TMEFF1: variants seen among roughly 807,000 people sequenced by gnomAD.
TMEFF1 encodes the protein tomoregulin-1.
In TMEFF1, 20 loss-of-function variants were observed where a neutral mutation model predicts 47.5. The ratio of observed to expected loss-of-function variants is 0.42; its 90% CI spans 0.30 to 0.61. TMEFF1 has a LOEUF of 0.61. Ranked by LOEUF, TMEFF1 falls within the 20% of genes least tolerant of loss-of-function variation. The pLI is 0.19. For synonymous variants in TMEFF1, 162 were observed against 166.3 expected, an observed-to-expected ratio of 0.97 and a Z score of 0.20; for missense variants, 411 against 471.1, an observed-to-expected ratio of 0.87 and a Z score of 1.18.
At chr9:100,545,128 C>G (rs541628254) in intron 5 of TMEFF1, among the ~76,000 whole-genome samples, 106 of 152,308 alleles carry the variant, frequency 7.0e-4, no homozygotes, top group African/African-American at 2.5e-3. Context: ...GGAGGTGGCC[C>G]TCTCCTCACA....
At chr9:100,557,434 A>G (rs1363289890) in intron 7 of TMEFF1, among the ~76,000 whole-genome samples, 1 of 151,998 alleles carries the variant, frequency 6.6e-6, no homozygotes, top group Non-Finnish European at 1.5e-5. Flanking sequence ...CTAGAATTCA[A>G]ATTTTTCCAT....
At chr9:100,522,955 G>A (rs986251583) in intron 5 of TMEFF1, among the ~76,000 whole-genome samples, 1 of 152,122 alleles carries the variant, frequency 6.6e-6, no homozygotes, top group African/African-American at 2.4e-5. Flanking sequence ...AACCAGGATG[G>A]TCTTGATCTC....
At chr9:100,497,363 A>C (rs1476284640) in intron 1 of TMEFF1, among the ~76,000 whole-genome samples, 1 of 92,894 alleles carries the variant, frequency 1.1e-5, no homozygotes, top group Non-Finnish European at 1.9e-5. Context: ...CTTGAGCTTT[A>C]ATCCAGTTCT....
intron 4 of TMEFF1, 77 bp downstream of exon 4, chr9:100,513,410 T>TTTA: frequency 4.7e-5 from 57 of 1,224,400 alleles, no homozygotes; most frequent in South Asian, 8.4e-5. Flanking sequence ...TTTTTTTTTT[T>TTTA]AAATCAGCTT....
chr9:100,534,692 G>T (rs939284916), intron 5 of TMEFF1, among the ~76,000 whole-genome samples: 3 of 152,122 alleles, frequency 2.0e-5, no homozygotes, highest in African/African-American at 7.2e-5. Flanking sequence ...ACTGTTGTTA[G>T]TCTTAGATGC....
At chr9:100,475,614 G>T (rs773970326) in intron 1 of TMEFF1, among the ~76,000 whole-genome samples, 1 of 152,056 alleles carries the variant, frequency 6.6e-6, no homozygotes, top group Admixed American at 6.6e-5. Flanking sequence ...GGATGTTTTT[G>T]TGTGTACTTT....
chr9:100,533,750 C>T (rs148406238), intron 5 of TMEFF1, among the ~76,000 whole-genome samples: 3,360 of 151,942 alleles, frequency 0.022, 101 homozygotes, highest in African/African-American at 0.076. Context: ...GACAGAGTCT[C>T]GCTCAGTCGC....
intron 8 of TMEFF1, 27 bp from the exon 9 acceptor site, chr9:100,572,491 A>G (rs757052244): frequency 6.6e-7 from 1 of 1,518,502 alleles, no homozygotes; most frequent in Non-Finnish European, 8.8e-7. Flanking sequence ...TAATTTTCAT[A>G]GGAATATATA....
chr9:100,547,873 G>A lies in TMEFF1; in HGVS notation c.690G>A (p.Arg230=). The change falls in exon 6 of 10, where the codon AGG becomes AGA. Residue 230 remains arginine, a synonymous_variant. Coordinates refer to ENST00000374879, the MANE Select transcript of TMEFF1 (RefSeq NM_003692.5). ...SCIKQEQIDI[R]HLGHCTDTDD... Reference sequence around the variant, plus strand: ...TAAAGCAAGAACAAATTGATATAAGGCATCTTGGTCATTGCACAGGTAAAA... The same window carrying A: ...TAAAGCAAGAACAAATTGATATAAGACATCTTGGTCATTGCACAGGTAAAA... The A allele has an allele frequency of 3.1e-6, 5 of 1,603,488 alleles. 1 individual carries two copies. The South Asian group carries it at 3.4e-5, about 11-fold the overall frequency.
At chr9:100,494,526 T>A (rs1837616820) in intron 1 of TMEFF1, among the ~76,000 whole-genome samples, 1 of 152,202 alleles carries the variant, frequency 6.6e-6, no homozygotes, top group African/African-American at 2.4e-5. Flanking sequence ...TCCTCCATCT[T>A]ACTGTCTTGC....
intron 5 of TMEFF1, among the ~76,000 whole-genome samples, chr9:100,533,965 C>T (rs1387970006): frequency 6.6e-6 from 1 of 152,174 alleles, no homozygotes; most frequent in African/African-American, 2.4e-5. Flanking sequence ...GATCCACCCA[C>T]CTCGACCTTC....
At chr9:100,508,793 T>A (rs1325201204) in intron 2 of TMEFF1, among the ~76,000 whole-genome samples, 1 of 152,004 alleles carries the variant, frequency 6.6e-6, no homozygotes, top group Non-Finnish European at 1.5e-5. Flanking sequence ...TTCATTCTCA[T>A]TTTTTTGGAT....
chr9:100,489,430 A>G (rs573836014), intron 1 of TMEFF1, among the ~76,000 whole-genome samples: 58 of 152,254 alleles, frequency 3.8e-4, no homozygotes, highest in African/African-American at 1.3e-3. Context: ...GGCTCAAGCA[A>G]TCCTCCTGCC....
At chr9:100,559,438 C>T (rs895920373) in intron 7 of TMEFF1, among the ~76,000 whole-genome samples, 2 of 152,096 alleles carry the variant, frequency 1.3e-5, no homozygotes, top group Non-Finnish European at 2.9e-5. Flanking sequence ...CTACTAGGCT[C>T]GTGTGGCTAT....
intron 2 of TMEFF1, among the ~76,000 whole-genome samples, chr9:100,501,865 G>A (rs1382313379): frequency 1.3e-5 from 2 of 152,106 alleles, no homozygotes; most frequent in East Asian, 1.9e-4. Flanking sequence ...GGATGGTCTC[G>A]AACTCTTGAC....
At chr9:100,539,276 G>A (rs369429589) in intron 5 of TMEFF1, among the ~76,000 whole-genome samples, 4 of 152,266 alleles carry the variant, frequency 2.6e-5, no homozygotes, top group South Asian at 2.1e-4. Context: ...CTAGTTTTTC[G>A]TCAGAATGCC....
intron 4 of TMEFF1, among the ~76,000 whole-genome samples, chr9:100,515,228 T>C (rs890910399): frequency 1.3e-5 from 2 of 151,946 alleles, no homozygotes; most frequent in African/African-American, 2.4e-5. Flanking sequence ...AGAGCATGAG[T>C]TAGAAGGGCT....
chr9:100,541,632 A>G (rs1254931869), intron 5 of TMEFF1, among the ~76,000 whole-genome samples: 1 of 152,000 alleles, frequency 6.6e-6, no homozygotes, highest in East Asian at 1.9e-4. Flanking sequence ...TCAGCCTCCC[A>G]GAGTGCTGAG....
chr9:100,476,301 G>T (rs1554752588), intron 1 of TMEFF1, among the ~76,000 whole-genome samples: 1 of 152,058 alleles, frequency 6.6e-6, no homozygotes, highest in Admixed American at 6.5e-5. Flanking sequence ...ATACAGTCTG[G>T]ACACACACAT....
Sources: allele counts gnomAD v4.1 joint callset (sites outside exome capture counted in the v4.1 genomes callset), GRCh38; gene constraint gnomAD v4.1.1; transcripts MANE v1.5; gene names NCBI Gene and HGNC (gene_info 2026-07-23, HGNC 2026-07-21).